Variants in SYT13 observed in about 807,000 individuals in gnomAD.
SYT13 encodes the protein synaptotagmin 13.
SYT13 carries 21 observed loss-of-function variants against 38.6 expected under a neutral mutation model. The ratio of observed to expected loss-of-function variants is 0.54; its 90% CI spans 0.39 to 0.78. The LOEUF (loss-of-function observed/expected upper bound fraction) is 0.78, where lower values mean the gene tolerates loss of function less well. Among genes scored for constraint, SYT13 ranks in the 30% least tolerant of loss-of-function variants. The pLI is 0.00. For synonymous variants in SYT13, 241 were observed against 237.6 expected, an observed-to-expected ratio of 1.01 and a Z score of -0.13; for missense variants, 495 against 548.7, an observed-to-expected ratio of 0.90 and a Z score of 0.98.
Position 45,282,872 on chromosome 11 carries a change from G to T in SYT13, c.183+3153C>A, listed in dbSNP as rs148096480. Among the ~76,000 whole-genome samples, 202 of 152,322 alleles carry T rather than the reference G, an allele frequency of 1.3e-3. 1 individual carries two copies. Among genetic ancestry groups the T allele is most frequent in the African/African-American group, 4.5e-3 (189 of 41,574 alleles). ...CAGATTAAGAACCCCTGGGGGCAAA[G>T]CACAGTGGTTCATGCCTGTAACCCT... On this transcript the variant is annotated intron_variant, in intron 1 of 5. Coordinates refer to ENST00000020926, the MANE Select transcript of SYT13 (RefSeq NM_020826.3).
chr11:45,255,650 G>C lies in SYT13; in HGVS notation c.409+16C>G. On this transcript the variant is annotated intron_variant, in intron 2 of 5. Coordinates refer to ENST00000020926, the MANE Select transcript of SYT13 (RefSeq NM_020826.3). Reference sequence around the variant, plus strand: ...GAGTGCTGCCCATGGAAGTGCAGGGGGCAGGAGACCCCTACCATTCTGAGG... The same window carrying C: ...GAGTGCTGCCCATGGAAGTGCAGGGCGCAGGAGACCCCTACCATTCTGAGG... 6.2e-7 allele frequency: 1 copy of C among 1,610,950 alleles called. No homozygotes were observed.
At chr11:45,277,139 C>T (rs1855020268) in intron 1 of SYT13, among the ~76,000 whole-genome samples, 1 of 152,126 alleles carries the variant, frequency 6.6e-6, no homozygotes, top group South Asian at 2.1e-4. Context: ...TGAAAGAAGC[C>T]AGTCACAAAA....
chr11:45,270,495 C>T (rs1854936652), intron 1 of SYT13, among the ~76,000 whole-genome samples: 2 of 152,188 alleles, frequency 1.3e-5, no homozygotes, highest in Non-Finnish European at 1.5e-5. Flanking sequence ...ATTAACTAGG[C>T]CAACTGCTAT....
At chr11:45,253,215 G>A (rs1348205496) in intron 3 of SYT13, among the ~76,000 whole-genome samples, 1 of 152,180 alleles carries the variant, frequency 6.6e-6, no homozygotes, top group Admixed American at 6.5e-5. Context: ...TGTACACCTT[G>A]GGTACTTTTC....
In SYT13 at chr11:45,252,807, A is replaced by G; in HGVS notation, c.545-85T>C. Reference sequence around the variant, plus strand: ...AAGCACGCCTTGCTTAGGGCTGTGGAATCCAGCTTAACGACGTGACCTTGG... The same window carrying G: ...AAGCACGCCTTGCTTAGGGCTGTGGGATCCAGCTTAACGACGTGACCTTGG... On this transcript the variant is annotated intron_variant, in intron 3 of 5. Coordinates refer to ENST00000020926, the MANE Select transcript of SYT13 (RefSeq NM_020826.3). The surrounding 1 kb of genome is among the most constrained non-coding windows in gnomAD (Gnocchi z 4.3). 2.8e-6 allele frequency: 4 copies of G among 1,426,252 alleles called. No individual in the cohort carries two copies. Among genetic ancestry groups the G allele is most frequent in the Admixed American group, 2.4e-5 (1 of 41,264 alleles). 88.3% of individuals were successfully genotyped at this position (1,426,252 alleles called of 1,614,324 possible). A position where few individuals can be genotyped will look rare whatever the true frequency, so the allele number is the denominator to read the frequency against.
At chr11:45,269,339 A>C in intron 1 of SYT13, 1 of 812,606 alleles carries the variant, frequency 1.2e-6, no homozygotes, top group Non-Finnish European at 1.6e-6. Flanking sequence ...AAACAAAAAA[A>C]CAAAACAAAC....
intron 1 of SYT13, among the ~76,000 whole-genome samples, chr11:45,265,283 GC>G (rs1383166749): frequency 6.6e-6 from 1 of 152,242 alleles, no homozygotes; most frequent in Non-Finnish European, 1.5e-5. Context: ...CTGGATCTCA[GC>G]CAGGGACAAT....
chr11:45,269,323 AAAAACAAACAAAAAAAC>A, intron 1 of SYT13: 1 of 707,116 alleles, frequency 1.4e-6, no homozygotes, highest in Non-Finnish European at 1.9e-6. Context: ...CAATTATTAA[AAAAACAAACAAAAAAAC>A]AAAACAAACA....
chr11:45,259,255 G>A (rs879843169), intron 1 of SYT13, among the ~76,000 whole-genome samples: 1 of 152,126 alleles, frequency 6.6e-6, no homozygotes, highest in Non-Finnish European at 1.5e-5. Context: ...CACTTGGTTG[G>A]GACCAGAACT....
intron 1 of SYT13, among the ~76,000 whole-genome samples, chr11:45,266,858 C>T (rs1273857736): frequency 6.6e-6 from 1 of 152,202 alleles, no homozygotes; most frequent in Non-Finnish European, 1.5e-5. Flanking sequence ...CTAACTGAAC[C>T]TTCATGGCTA....
Position 45,277,732 on chromosome 11 carries a change from G to T in SYT13, c.183+8293C>A, listed in dbSNP as rs146743099. On this transcript the variant is annotated intron_variant, in intron 1 of 5. Transcript: ENST00000020926. ...CTGGTTAAGATCTTCTCCAACTCTA[G>T]CTCGCAGTTTGGCCATCACTCTTTA... Among the ~76,000 whole-genome samples, 392 of 152,220 alleles carry T rather than the reference G, an allele frequency of 2.6e-3. 3 individuals carry two copies. The highest frequency in any genetic ancestry group is 9.1e-3 in the African/African-American group (376 of 41,540).
chr11:45,261,134 C>G (rs2135897354), intron 1 of SYT13, among the ~76,000 whole-genome samples: 1 of 152,312 alleles, frequency 6.6e-6, no homozygotes, highest in East Asian at 1.9e-4. Flanking sequence ...CATCACTAAT[C>G]ACCAGAGAAA....
chr11:45,280,055 A>G (rs1013249382), intron 1 of SYT13, among the ~76,000 whole-genome samples: 1 of 152,198 alleles, frequency 6.6e-6, no homozygotes, highest in Non-Finnish European at 1.5e-5. Flanking sequence ...CAAGAAAAGC[A>G]TATGTCTGTC....
At chr11:45,260,278 G>T (rs916265063) in intron 1 of SYT13, among the ~76,000 whole-genome samples, 2 of 152,222 alleles carry the variant, frequency 1.3e-5, no homozygotes, top group African/African-American at 4.8e-5. Context: ...GTCTTTTCAA[G>T]GAGCAAAAGC....
At chr11:45,277,414 TA>T (rs1371597063) in intron 1 of SYT13, among the ~76,000 whole-genome samples, 2 of 152,242 alleles carry the variant, frequency 1.3e-5, no homozygotes, top group Non-Finnish European at 2.9e-5. Flanking sequence ...AAAATAATGG[TA>T]ACCTTCACCT....
At chr11:45,282,338 G>C (rs547642279) in intron 1 of SYT13, among the ~76,000 whole-genome samples, 5 of 152,170 alleles carry the variant, frequency 3.3e-5, no homozygotes, top group Admixed American at 6.5e-5. Flanking sequence ...GCAGGATAAA[G>C]GGTCCAGAGT....
chr11:45,255,898 A>G lies in SYT13; in HGVS notation c.184-7T>C. 2 of 1,613,878 alleles carry G rather than the reference A, an allele frequency of 1.2e-6. No homozygotes were observed. The highest frequency in any genetic ancestry group is 1.7e-6 in the Non-Finnish European group (2 of 1,179,874). ...TGGACTTTTTAACATTGAACTGCAAACACAAATTACTCTGATTAGTCCACA... is the reference window on the plus strand; with the variant it reads ...TGGACTTTTTAACATTGAACTGCAAGCACAAATTACTCTGATTAGTCCACA... On this transcript the variant is annotated splice_polypyrimidine_tract_variant and splice_region_variant and intron_variant, in intron 1 of 5. Coordinates refer to ENST00000020926, the MANE Select transcript of SYT13 (RefSeq NM_020826.3).
intron 4 of SYT13, among the ~76,000 whole-genome samples, chr11:45,248,198 A>C (rs7117240): frequency 0.41 from 63,033 of 151,922 alleles, 13,342 homozygotes; most frequent in Non-Finnish European, 0.46. Flanking sequence ...GGATCTTGGC[A>C]ATGAAATGAA....
At chr11:45,255,335 A>G (rs866062471) in intron 2 of SYT13, among the ~76,000 whole-genome samples, 2 of 152,188 alleles carry the variant, frequency 1.3e-5, no homozygotes, top group Non-Finnish European at 2.9e-5. Context: ...CCACACAATA[A>G]GTGTATGAAA....
Sources: allele counts gnomAD v4.1 joint callset (sites outside exome capture counted in the v4.1 genomes callset), GRCh38; gene constraint gnomAD v4.1.1; non-coding constraint Gnocchi (gnomAD v3.1); transcripts MANE v1.5; gene names NCBI Gene and HGNC (gene_info 2026-07-23, HGNC 2026-07-21).